The following ODAD3 variants were observed in gnomAD, a reference collection of about 807,000 sequenced individuals.
ODAD3 encodes outer dynein arm docking complex subunit 3.
ODAD3 carries 57 observed loss-of-function variants against 70.9 expected under a neutral mutation model. That is an observed-to-expected ratio of 0.80 (90% CI 0.65 to 1.00). The LOEUF is 1.00. ODAD3 is among the 50% of genes least tolerant of loss of function. ODAD3 has a pLI of 0.00. For missense variants in ODAD3, 797 were observed against 763.9 expected (o/e 1.04, Z -0.51); for synonymous variants, 327 against 315.9 (o/e 1.04, Z -0.37).
At position 11,425,306 on chromosome 19, in the gene ODAD3, T is replaced by G. The variant is rs906224784; in HGVS notation, c.963+838A>C. On this transcript the variant is annotated intron_variant, in intron 7 of 12. Coordinates refer to ENST00000356392, the MANE Select transcript of ODAD3 (RefSeq NM_145045.5). Reference sequence around the variant, plus strand: ...ATGTACATATGTGTATATATGTGTATGTGTACATATGTGTATATGTACATA... The same window carrying G: ...ATGTACATATGTGTATATATGTGTAGGTGTACATATGTGTATATGTACATA... Among the ~76,000 whole-genome samples the G allele has an allele frequency of 1.5e-4, 19 of 127,962 alleles. 1 individual carries two copies. Among genetic ancestry groups the G allele is most frequent in the Non-Finnish European group, 1.9e-4 (12 of 62,334 alleles). The allele number at this position is 127,962 out of a possible 152,430, so 83.9% of individuals were successfully genotyped here.
At chr19:11,424,565 G>GTGTATATATACCTATGTGTATAAA (rs1969224389) in intron 7 of ODAD3, among the ~76,000 whole-genome samples, 1 of 128,166 alleles carries the variant, frequency 7.8e-6, no homozygotes, top group East Asian at 2.1e-4. Context: ...GTGTATATAT[G>GTGTATATATACCTATGTGTATAAA]TATATATGTG....
intron 1 of ODAD3, 90 bp downstream of exon 1, chr19:11,434,683 C>G (rs1969613671): frequency 2.7e-6 from 4 of 1,493,262 alleles, no homozygotes; most frequent in Non-Finnish European, 2.7e-6. Context: ...TTTACCTAGA[C>G]TCATGCTGGA....
At chr19:11,421,086 G>A (rs777318469) in intron 12 of ODAD3, 42 bp downstream of exon 12, 1 of 1,604,748 alleles carries the variant, frequency 6.2e-7, no homozygotes, top group Non-Finnish European at 8.5e-7. Context: ...TACCCAGCTT[G>A]GGGCCCCAAC....
In ODAD3 at chr19:11,426,250, A is replaced by G. The variant is rs762559155; in HGVS notation, c.857T>C (p.Leu286Pro). Residue 286 changes from leucine (L) to proline (P), a missense_variant, in exon 7 of 13, where the codon CTA becomes CCA. Leu to Pro is a moderately conservative substitution (Grantham distance 98). Coordinates refer to ENST00000356392, the MANE Select transcript of ODAD3 (RefSeq NM_145045.5). Reference protein sequence around the residue: ...RDIAKNQLQYLEETLVRERKK... With the variant: ...RDIAKNQLQYPEETLVRERKK... ...GCGCTCTCGAACCAAGGTCTCCTCT[A>G]GGTACTGCAGCTGGTTCTGGAGGGC... is the stretch of plus-strand genomic sequence containing the variant. 1.2e-6 allele frequency: 2 copies of G among 1,613,816 alleles called. No individual in the cohort carries two copies. Among genetic ancestry groups the G allele is most frequent in the African/African-American group, 2.7e-5 (2 of 74,994 alleles).
In ODAD3 at chr19:11,426,590, G is replaced by A. The variant is rs149834490; in HGVS notation, c.715-19C>T. ...TCTCGTCCTGGGGCGTGGTGGGGAG[G>A]GGTAGCGGAGATGGTGCAGGTCTGT... On this transcript the variant is annotated intron_variant, in intron 5 of 12. Coordinates refer to ENST00000356392, the MANE Select transcript of ODAD3 (RefSeq NM_145045.5). 1.9e-6 allele frequency: 3 copies of A among 1,614,018 alleles called. No homozygotes were observed. The highest frequency in any genetic ancestry group is 1.3e-5 in the African/African-American group (1 of 75,020).
In ODAD3 at chr19:11,425,319, G is replaced by A. The variant is rs1454485428; in HGVS notation, c.963+825C>T. Among the ~76,000 whole-genome samples, 2 of 133,448 alleles carry A rather than the reference G, an allele frequency of 1.5e-5. 1 individual carries two copies. Among genetic ancestry groups the A allele is most frequent in the East Asian group, 4.4e-4 (2 of 4,542 alleles). 87.5% of individuals were successfully genotyped at this position (133,448 alleles called of 152,430 possible). A position where few individuals can be genotyped will look rare whatever the true frequency, so the allele number is the denominator to read the frequency against. On this transcript the variant is annotated intron_variant, in intron 7 of 12. Coordinates refer to ENST00000356392, the MANE Select transcript of ODAD3 (RefSeq NM_145045.5). Reference sequence around the variant, plus strand: ...TATATATGTGTATGTGTACATATGTGTATATGTACATATGTGTATATATGT... The same window carrying A: ...TATATATGTGTATGTGTACATATGTATATATGTACATATGTGTATATATGT...
chr19:11,425,620 T>TACATGC (rs1969346115), intron 7 of ODAD3, among the ~76,000 whole-genome samples: 1 of 140,146 alleles, frequency 7.1e-6, no homozygotes, highest in African/African-American at 3.0e-5. Flanking sequence ...TATATATGCA[T>TACATGC]ATATGCATAT....
rs1396325185 is a variant in ODAD3 at position 11,420,848 on chromosome 19, G to A, written c.1775C>T (p.Ser592Phe). The A allele has an allele frequency of 6.2e-7, 1 of 1,613,996 alleles. No homozygotes were observed. The highest frequency in any genetic ancestry group is 8.5e-7 in the Non-Finnish European group (1 of 1,179,958). Residue 592 changes from serine to phenylalanine, a missense_variant, in exon 13 of 13, where the codon TCT becomes TTT. Physicochemically the swap from Ser to Phe is radical, Grantham distance 155. Coordinates refer to ENST00000356392, the MANE Select transcript of ODAD3 (RefSeq NM_145045.5). ...LIESHKKHRRSRRS is the reference protein window; with the variant it reads ...LIESHKKHRRFRRS ...GTCAGGACGAGTCTAGGACCTCCGA[G>A]AGCGACGGTGCTTCTTGTGACTTTC... is the stretch of plus-strand genomic sequence containing the variant.
chr19:11,425,116 TATGTAC>T lies in ODAD3; in HGVS notation c.963+1022_963+1027del, dbSNP rs1421489291. Among the ~76,000 whole-genome samples the T allele has an allele frequency of 8.1e-5, 11 of 135,186 alleles. No individual in the cohort carries two copies. The South Asian group carries it at 1.1e-3, about 14-fold the overall frequency. 88.7% of individuals were successfully genotyped at this position (135,186 alleles called of 152,430 possible). A position where few individuals can be genotyped will look rare whatever the true frequency, so the allele number is the denominator to read the frequency against. On this transcript the variant is annotated intron_variant, in intron 7 of 12. Transcript: ENST00000356392. ...ATGTGTATATATGTATATATGTGTA[TATGTAC>T]ATATGTGTATATGTGTATATGTACA...
rs1289000195 is a variant in ODAD3 at position 11,421,164 on chromosome 19, C to A, written c.1639G>T (p.Ala547Ser). ...TCCTTGGAAGTGGCAAGGGGCAGGG[C>A]GATGCGGGTGTTGTATTCGGGCAGC... Reference protein sequence around the residue: ...GRLPEYNTRIALPLATSKDKF... With the variant: ...GRLPEYNTRISLPLATSKDKF... Residue 547 changes from alanine (A) to serine (S), a missense_variant, in exon 12 of 13, where the codon GCC (alanine) becomes TCC (serine). By Grantham distance (99) the Ala-to-Ser change is moderately conservative. Coordinates refer to ENST00000356392, the MANE Select transcript of ODAD3 (RefSeq NM_145045.5). The A allele has an allele frequency of 6.2e-7, 1 of 1,613,742 alleles. No individual in the cohort carries two copies. Among genetic ancestry groups the A allele is most frequent in the Non-Finnish European group, 8.5e-7 (1 of 1,179,926 alleles).
intron 5 of ODAD3, 26 bp from the exon 6 acceptor site, chr19:11,426,597 G>A (rs373795760): frequency 1.2e-4 from 197 of 1,613,824 alleles, no homozygotes; most frequent in Middle Eastern, 4.9e-4. Context: ...GAGGGGTAGC[G>A]GAGATGGTGC....
rs1969329712 is a variant in ODAD3, at chr19:11,425,479, GTGTGTATATATGTATATATGTA to G, written c.963+643_963+664del. 2.6e-3 allele frequency among the ~76,000 whole-genome samples: 312 copies of G among 121,900 alleles called. 12 individuals carry two copies. The highest frequency in any genetic ancestry group is 9.0e-3 in the African/African-American group (291 of 32,260). The allele number at this position is 121,900 out of a possible 152,430, so 80.0% of individuals were successfully genotyped here. On this transcript the variant is annotated intron_variant, in intron 7 of 12. Coordinates refer to ENST00000356392, the MANE Select transcript of ODAD3 (RefSeq NM_145045.5). ...TATGTGTGTGTATATATGTATATATGTGTGTATATATGTATATATGTATATATGTGTGTATATATGTATATAT... is the reference window on the plus strand; with the variant it reads ...TATGTGTGTGTATATATGTATATATGTATATGTGTGTATATATGTATATAT...
chr19:11,429,760 G>A lies in ODAD3; in HGVS notation c.444+939C>T, dbSNP rs372634574. Among the ~76,000 whole-genome samples the A allele has an allele frequency of 3.3e-5, 5 of 151,770 alleles. No individual in the cohort carries two copies. In the South Asian group the frequency reaches 8.3e-4, roughly 25 times the overall value. ...TCACCGTGTTAGCCAGGATGGGCTCGATCTCCTGACCTCGTGATCCACCCG... is the reference window on the plus strand; with the variant it reads ...TCACCGTGTTAGCCAGGATGGGCTCAATCTCCTGACCTCGTGATCCACCCG... On this transcript the variant is annotated intron_variant, in intron 3 of 12. Coordinates refer to ENST00000356392, the MANE Select transcript of ODAD3 (RefSeq NM_145045.5).
Position 11,426,574 on chromosome 19 carries a change from G to C in ODAD3, c.715-3C>G, listed in dbSNP as rs1969380203. Reference sequence around the variant, plus strand: ...TTCTCCAAGTTGAGGCTCTCGTCCTGGGGCGTGGTGGGGAGGGGTAGCGGA... The same window carrying C: ...TTCTCCAAGTTGAGGCTCTCGTCCTCGGGCGTGGTGGGGAGGGGTAGCGGA... On this transcript the variant is annotated splice_region_variant and splice_polypyrimidine_tract_variant and intron_variant, in intron 5 of 12. Coordinates refer to ENST00000356392, the MANE Select transcript of ODAD3 (RefSeq NM_145045.5). 1 of 1,613,878 alleles carries C rather than the reference G, an allele frequency of 6.2e-7. No homozygotes were observed. Among genetic ancestry groups the C allele is most frequent in the Non-Finnish European group, 8.5e-7 (1 of 1,179,974 alleles).
chr19:11,430,639 C>T, intron 3 of ODAD3, 60 bp downstream of exon 3: 2 of 1,524,336 alleles, frequency 1.3e-6, no homozygotes, highest in Non-Finnish European at 1.8e-6. Context: ...AGCCTGGAGT[C>T]CAGTGGTGAG....
chr19:11,428,040 C>A (rs1969422783), intron 3 of ODAD3, among the ~76,000 whole-genome samples: 1 of 149,168 alleles, frequency 6.7e-6, no homozygotes. Context: ...GCGGAGCTTG[C>A]AGTGAGCCAA....
At chr19:11,435,376 T>TG (rs1419258334), upstream of ODAD3, 1 of 447,760 alleles carries the variant, frequency 2.2e-6, no homozygotes, top group Non-Finnish European at 3.9e-6. Context: ...ATCCCGCCCC[T>TG]GGGGGTTCGC....
Position 11,430,995 on chromosome 19 carries a change from C to T in ODAD3, c.270G>A (p.Glu90=), listed in dbSNP as rs370803726. ...TCTTCTTGATGTTCCACTGAGAGCTCTCAAAAAAAGCCTTCCGGTCACCCT... is the reference window on the plus strand; with the variant it reads ...TCTTCTTGATGTTCCACTGAGAGCTTTCAAAAAAAGCCTTCCGGTCACCCT... ...LLEGDRKAFF[E]SSQWNIKKNQ... Residue 90 remains glutamate, a synonymous_variant, in exon 2 of 13, where the codon GAG becomes GAA. Transcript: ENST00000356392. 4 of 1,613,926 alleles carry T rather than the reference C, an allele frequency of 2.5e-6. No homozygotes were observed. In the African/African-American group the frequency reaches 5.3e-5, roughly 22 times the overall value.
rs959122357 is a variant in ODAD3, at chr19:11,420,838, G to A, written c.1785C>T (p.Ser595=). Residue 595 remains serine, a synonymous_variant, in exon 13 of 13, where the codon TCC becomes TCT. Coordinates refer to ENST00000356392, the MANE Select transcript of ODAD3 (RefSeq NM_145045.5). ...SHKKHRRSRR[S] The stretch of plus-strand genomic sequence containing the variant: ...CCTGGTGGGTGTCAGGACGAGTCTA[G>A]GACCTCCGAGAGCGACGGTGCTTCT... The A allele has an allele frequency of 2.5e-6, 4 of 1,613,686 alleles. No homozygotes were observed. The highest frequency in any genetic ancestry group is 3.4e-6 in the Non-Finnish European group (4 of 1,179,684).
Sources: allele counts gnomAD v4.1 joint callset (sites outside exome capture counted in the v4.1 genomes callset), GRCh38; gene constraint gnomAD v4.1.1; transcripts MANE v1.5; gene names NCBI Gene and HGNC (gene_info 2026-07-23, HGNC 2026-07-21).